Variants in PPP1R9A observed in about 807,000 individuals in gnomAD.
PPP1R9A encodes the protein neurabin-1.
A neutral mutation model predicts 141.9 loss-of-function variants in PPP1R9A; 59 were observed. That is an observed-to-expected ratio of 0.42 (90% confidence interval 0.34 to 0.52). The LOEUF (loss-of-function observed/expected upper bound fraction) is 0.52. Ranked by LOEUF, PPP1R9A falls within the 20% of genes least tolerant of loss-of-function variation. The pLI is 0.10. For synonymous variants in PPP1R9A, 500 were observed against 569.7 expected (o/e 0.88, Z 1.74); for missense variants, 1,444 against 1,611.9 (o/e 0.90, Z 1.78).
intron 7 of PPP1R9A, among the ~76,000 whole-genome samples, chr7:95,217,652 G>A (rs543604072): frequency 1.8e-4 from 28 of 152,288 alleles, no homozygotes; most frequent in African/African-American, 5.5e-4. Flanking sequence ...TTCAGAGCCT[G>A]TTATTGGTAT....
At chr7:95,024,797 G>A (rs1173925654) in intron 2 of PPP1R9A, among the ~76,000 whole-genome samples, 4 of 152,134 alleles carry the variant, frequency 2.6e-5, no homozygotes, top group East Asian at 1.9e-4. Flanking sequence ...ATATTGTTAT[G>A]TGTGAATTTG....
At chr7:95,015,300 A>T (rs141093643) in intron 2 of PPP1R9A, among the ~76,000 whole-genome samples, 2 of 151,952 alleles carry the variant, frequency 1.3e-5, no homozygotes, top group African/African-American at 4.8e-5. Flanking sequence ...TGATCTATCT[A>T]TATTTAAAAA....
Position 95,097,180 on chromosome 7 carries a change from C to T in PPP1R9A, c.1396-14079C>T, listed in dbSNP as rs375359367. The stretch of plus-strand genomic sequence containing the variant: ...CTGGGATTACAGGCACCTGCCACTA[C>T]GCCCAGCTAATTTTTTTGTATTTTT... On this transcript the variant is annotated intron_variant, in intron 2 of 19. Coordinates refer to ENST00000433360, the MANE Select transcript of PPP1R9A (RefSeq NM_001166160.2). Among the ~76,000 whole-genome samples, 875 of 152,196 alleles carry T rather than the reference C, an allele frequency of 5.7e-3. 4 individuals are homozygous for T. Among genetic ancestry groups the T allele is most frequent in the Non-Finnish European group, 9.7e-3 (663 of 68,002 alleles).
At chr7:94,945,793 T>A (rs2150985568) in intron 2 of PPP1R9A, among the ~76,000 whole-genome samples, 1 of 152,148 alleles carries the variant, frequency 6.6e-6, no homozygotes, top group African/African-American at 2.4e-5. Flanking sequence ...ACAAAAGAAT[T>A]TGTTAAGAGG....
intron 8 of PPP1R9A, among the ~76,000 whole-genome samples, chr7:95,243,255 C>A (rs948949645): frequency 8.5e-5 from 13 of 152,142 alleles, no homozygotes; most frequent in Non-Finnish European, 2.9e-5. Flanking sequence ...TGCCTCTGAC[C>A]TTTCTCACAG....
chr7:95,281,458 G>A (rs546905879), intron 16 of PPP1R9A, among the ~76,000 whole-genome samples: 8 of 152,080 alleles, frequency 5.3e-5, no homozygotes, highest in East Asian at 1.9e-4. Flanking sequence ...CTCCTTCACC[G>A]CACATGTAAG....
intron 1 of PPP1R9A, among the ~76,000 whole-genome samples, chr7:94,909,678 G>A (rs1791235100): frequency 6.7e-6 from 1 of 149,236 alleles, no homozygotes; most frequent in Non-Finnish European, 1.5e-5. Context: ...GTGAGATTTT[G>A]ATAGGTATCT....
At chr7:95,169,776 A>C (rs1462815468) in intron 5 of PPP1R9A, among the ~76,000 whole-genome samples, 1 of 151,916 alleles carries the variant, frequency 6.6e-6, no homozygotes, top group Non-Finnish European at 1.5e-5. Context: ...GTTTTTTAGT[A>C]CTTTAATTGT....
At chr7:95,172,287 A>G (rs1049602192) in intron 5 of PPP1R9A, among the ~76,000 whole-genome samples, 1 of 151,734 alleles carries the variant, frequency 6.6e-6, no homozygotes, top group African/African-American at 2.4e-5. Flanking sequence ...GAAAGCCCAT[A>G]GAATGAAAAG....
intron 4 of PPP1R9A, among the ~76,000 whole-genome samples, chr7:95,147,190 C>T (rs1827787586): frequency 6.6e-6 from 1 of 152,094 alleles, no homozygotes; most frequent in Admixed American, 6.6e-5. Context: ...ATTTGTTTTT[C>T]TCCTTGAAGA....
chr7:95,153,023 T>C (rs576474414), intron 4 of PPP1R9A, among the ~76,000 whole-genome samples: 37 of 152,096 alleles, frequency 2.4e-4, no homozygotes, highest in African/African-American at 7.7e-4. Context: ...CTAATTTTTT[T>C]ATTTTTAATA....
chr7:94,954,636 A>G (rs998555479), intron 2 of PPP1R9A, among the ~76,000 whole-genome samples: 6 of 151,706 alleles, frequency 4.0e-5, no homozygotes, highest in African/African-American at 1.4e-4. Flanking sequence ...TAGATTTATT[A>G]TAATTATTAA....
At chr7:95,212,673 G>C (rs977073350) in intron 7 of PPP1R9A, among the ~76,000 whole-genome samples, 7 of 152,166 alleles carry the variant, frequency 4.6e-5, no homozygotes, top group Non-Finnish European at 1.0e-4. Flanking sequence ...GGTTTTTCTG[G>C]ACAGTAGAAT....
chr7:95,173,694 C>T (rs1832492727), intron 5 of PPP1R9A, among the ~76,000 whole-genome samples: 1 of 151,886 alleles, frequency 6.6e-6, no homozygotes, highest in Admixed American at 6.6e-5. Context: ...TTTAAATGTG[C>T]AAGTCCTATT....
intron 2 of PPP1R9A, among the ~76,000 whole-genome samples, chr7:95,104,406 C>T (rs1183009873): frequency 1.3e-5 from 2 of 152,110 alleles, no homozygotes; most frequent in African/African-American, 4.8e-5. Context: ...ATGAGATAGG[C>T]CTATGAGTCT....
At chr7:95,131,216 T>G (rs2152525953) in intron 4 of PPP1R9A, among the ~76,000 whole-genome samples, 1 of 152,276 alleles carries the variant, frequency 6.6e-6, no homozygotes, top group Non-Finnish European at 1.5e-5. Context: ...TGTGCTGTTG[T>G]CGTGACAGTG....
chr7:95,138,250 G>A (rs1826038414), intron 4 of PPP1R9A, among the ~76,000 whole-genome samples: 1 of 152,114 alleles, frequency 6.6e-6, no homozygotes, highest in Admixed American at 6.5e-5. Flanking sequence ...TTCAATAAAA[G>A]TACCATGATA....
intron 2 of PPP1R9A, among the ~76,000 whole-genome samples, chr7:95,001,858 CAAAA>C (rs920525078): frequency 3.3e-5 from 5 of 151,658 alleles, no homozygotes; most frequent in African/African-American, 1.2e-4. Flanking sequence ...AACAAACAAA[CAAAA>C]AAAACACAAG....
At chr7:95,147,980 T>G (rs1827949956) in intron 4 of PPP1R9A, among the ~76,000 whole-genome samples, 1 of 152,058 alleles carries the variant, frequency 6.6e-6, no homozygotes, top group South Asian at 2.1e-4. Flanking sequence ...GAAGAGTCAT[T>G]TTTTAGAAAA....
Sources: allele counts gnomAD v4.1 joint callset (sites outside exome capture counted in the v4.1 genomes callset), GRCh38; gene constraint gnomAD v4.1.1; transcripts MANE v1.5; gene names NCBI Gene and HGNC (gene_info 2026-07-23, HGNC 2026-07-21).